The following ADAMTS3 variants were observed in gnomAD, a reference collection of about 807,000 sequenced individuals.
ADAMTS3 encodes A disintegrin and metalloproteinase with thrombospondin motifs 3.
ADAMTS3 carries 73 observed loss-of-function variants against 129.0 expected under a neutral mutation model. That is an observed-to-expected ratio of 0.57 (90% CI 0.47 to 0.69). ADAMTS3 has a LOEUF of 0.69. Among genes scored for constraint, ADAMTS3 ranks in the 30% least tolerant of loss-of-function variants. ADAMTS3 has a pLI of 0.00. For synonymous variants in ADAMTS3, 477 were observed against 510.8 expected (o/e 0.93, Z 0.89); for missense variants, 1,457 against 1,514.5 (o/e 0.96, Z 0.63).
intron 4 of ADAMTS3, among the ~76,000 whole-genome samples, chr4:72,402,332 A>G (rs986965985): frequency 6.6e-5 from 10 of 152,190 alleles, no homozygotes; most frequent in African/African-American, 2.4e-5. Flanking sequence ...TTTAATGCCA[A>G]TCTTTACTGA....
At chr4:72,520,355 A>G (rs1377006206) in intron 3 of ADAMTS3, among the ~76,000 whole-genome samples, 1 of 152,194 alleles carries the variant, frequency 6.6e-6, no homozygotes, top group Non-Finnish European at 1.5e-5. Flanking sequence ...TGGGAGAACC[A>G]CTGCTCTCTT....
chr4:72,306,085 A>G lies in ADAMTS3; in HGVS notation c.2180-18T>C. 6.4e-7 allele frequency: 1 copy of G among 1,571,714 alleles called. No homozygotes were observed. The highest frequency in any genetic ancestry group is 8.6e-7 in the Non-Finnish European group (1 of 1,158,674). On this transcript the variant is annotated intron_variant, in intron 15 of 21. Transcript: ENST00000286657. ...AAGGTACCCTTTGCATGTGTAGTAA[A>G]TATTGTAGGAAGCAAAGAAGAAAAC...
chr4:72,333,601 G>A (rs947357736), intron 5 of ADAMTS3, among the ~76,000 whole-genome samples: 26 of 151,992 alleles, frequency 1.7e-4, no homozygotes, highest in Admixed American at 5.2e-4. Context: ...ACCCTCAGTG[G>A]CTTTTATTTT....
chr4:72,411,097 A>T (rs893372665), intron 4 of ADAMTS3, among the ~76,000 whole-genome samples: 1 of 152,152 alleles, frequency 6.6e-6, no homozygotes, highest in Admixed American at 6.6e-5. Context: ...TTAAAAAAAC[A>T]TATTTTTAAA....
chr4:72,412,108 A>G (rs546736035), intron 4 of ADAMTS3, among the ~76,000 whole-genome samples: 2 of 152,192 alleles, frequency 1.3e-5, no homozygotes, highest in Admixed American at 6.6e-5. Context: ...GAAATCTTGC[A>G]GGGTCAGAAA....
intron 5 of ADAMTS3, among the ~76,000 whole-genome samples, chr4:72,323,658 C>T (rs565007042): frequency 3.3e-5 from 5 of 152,248 alleles, no homozygotes; most frequent in Admixed American, 2.0e-4. Flanking sequence ...GATAGAAATC[C>T]TCCAATATTT....
intron 13 of ADAMTS3, 27 bp from the exon 14 acceptor site, chr4:72,311,208 C>A: frequency 6.3e-7 from 1 of 1,589,472 alleles, no homozygotes; most frequent in Non-Finnish European, 8.6e-7. Context: ...ATAAAATTAA[C>A]TATTTACATA....
At chr4:72,307,069 T>C (rs1221819270) in intron 15 of ADAMTS3, among the ~76,000 whole-genome samples, 1 of 151,988 alleles carries the variant, frequency 6.6e-6, no homozygotes, top group Non-Finnish European at 1.5e-5. Context: ...CCAATACATA[T>C]TCTATGGAGA....
chr4:72,529,210 C>G (rs550430034), intron 3 of ADAMTS3, among the ~76,000 whole-genome samples: 65 of 152,078 alleles, frequency 4.3e-4, no homozygotes, highest in Non-Finnish European at 7.2e-4. Flanking sequence ...CCAGAATGGC[C>G]GAATACAGTA....
At chr4:72,550,591 G>A (rs1281014659) in intron 2 of ADAMTS3, among the ~76,000 whole-genome samples, 1 of 152,128 alleles carries the variant, frequency 6.6e-6, no homozygotes, top group African/African-American at 2.4e-5. Context: ...GTCAAGTGAA[G>A]CCTGATTCCA....
chr4:72,335,556 A>T (rs144534710), intron 5 of ADAMTS3, among the ~76,000 whole-genome samples: 2 of 152,222 alleles, frequency 1.3e-5, no homozygotes, highest in African/African-American at 4.8e-5. Flanking sequence ...GTTCTAAGCC[A>T]GTTTCTCCTC....
intron 3 of ADAMTS3, among the ~76,000 whole-genome samples, chr4:72,529,882 A>T (rs1246595100): frequency 1.4e-4 from 10 of 73,586 alleles, no homozygotes; most frequent in East Asian, 7.9e-4. Flanking sequence ...AATTATATAT[A>T]ATATATTATA....
intron 3 of ADAMTS3, among the ~76,000 whole-genome samples, chr4:72,538,150 A>T (rs1721228899): frequency 6.6e-6 from 1 of 152,210 alleles, no homozygotes; most frequent in South Asian, 2.1e-4. Context: ...GAACACCATT[A>T]AGCAGACCAA....
At position 72,348,650 on chromosome 4, in the gene ADAMTS3, A is replaced by G. The variant is rs550932490; in HGVS notation, c.662-8957T>C. ...ATCCAGGTGGGCCTGATCTAACTTC[A>G]TGAGACATTAAAAGCAGAGAGCTTT... On this transcript the variant is annotated intron_variant, in intron 4 of 21. Coordinates refer to ENST00000286657, the MANE Select transcript of ADAMTS3 (RefSeq NM_014243.3). 3.9e-5 allele frequency among the ~76,000 whole-genome samples: 6 copies of G among 152,128 alleles called. No homozygotes were observed. The South Asian group carries it at 1.2e-3, about 32-fold the overall frequency.
intron 3 of ADAMTS3, among the ~76,000 whole-genome samples, chr4:72,522,348 C>T (rs1372915110): frequency 6.6e-6 from 1 of 152,160 alleles, no homozygotes; most frequent in Non-Finnish European, 1.5e-5. Context: ...CAATTAGTTT[C>T]TCCCCAGTCA....
intron 17 of ADAMTS3, among the ~76,000 whole-genome samples, chr4:72,299,382 T>C (rs892332599): frequency 6.6e-6 from 1 of 152,078 alleles, no homozygotes; most frequent in Admixed American, 6.6e-5. Flanking sequence ...AAAGAAAATA[T>C]ACTTTTAAAT....
At chr4:72,476,567 C>T (rs1189208494) in intron 3 of ADAMTS3, among the ~76,000 whole-genome samples, 2 of 151,982 alleles carry the variant, frequency 1.3e-5, no homozygotes, top group South Asian at 4.1e-4. Context: ...CAACTCTATA[C>T]AATTTCTTCC....
chr4:72,550,361 T>G (rs1721616382), intron 2 of ADAMTS3, among the ~76,000 whole-genome samples: 1 of 152,238 alleles, frequency 6.6e-6, no homozygotes, highest in South Asian at 2.1e-4. Flanking sequence ...CATTATTTTC[T>G]TGCTTTTTAA....
chr4:72,528,189 ATCTC>A (rs1004902828), intron 3 of ADAMTS3, among the ~76,000 whole-genome samples: 1 of 150,928 alleles, frequency 6.6e-6, no homozygotes, highest in Non-Finnish European at 1.5e-5. Flanking sequence ...TATTTTTATG[ATCTC>A]TCTTTTTTTA....
Sources: gnomAD v4.1 joint callset for allele counts (sites outside exome capture counted in the v4.1 genomes callset) on GRCh38, gnomAD v4.1.1 for gene constraint, MANE v1.5 for transcripts, NCBI Gene and HGNC (gene_info 2026-07-23, HGNC 2026-07-21) for gene names.